Variants in PADI2 observed in about 807,000 individuals in gnomAD.
PADI2 encodes protein-arginine deiminase type-2.
In PADI2, 70 loss-of-function variants were observed where a neutral mutation model predicts 81.1. The ratio of observed to expected loss-of-function variants is 0.86; its 90% CI spans 0.71 to 1.05. The LOEUF (loss-of-function observed/expected upper bound fraction) is 1.05, where lower values mean the gene tolerates loss of function less well. Ranked by LOEUF, PADI2 falls within the 50% of genes least tolerant of loss-of-function variation. PADI2 has a pLI of 0.00. For synonymous variants in PADI2, 338 were observed against 358.0 expected, an observed-to-expected ratio of 0.94 and a Z score of 0.63; for missense variants, 853 against 889.9, an observed-to-expected ratio of 0.96 and a Z score of 0.53.
At chr1:17,107,108 G>A (rs1429493103) in intron 1 of PADI2, among the ~76,000 whole-genome samples, 6 of 152,218 alleles carry the variant, frequency 3.9e-5, no homozygotes, top group Non-Finnish European at 7.3e-5. Context: ...CACTGGTCTG[G>A]AGGCCCAAGA....
At chr1:17,083,488 C>G in intron 9 of PADI2, 2 of 489,430 alleles carry the variant, frequency 4.1e-6, no homozygotes, top group Non-Finnish European at 7.3e-6. Context: ...TCCGGGAAGG[C>G]CGTTACTCAG....
Position 17,069,021 on chromosome 1 carries a change from C to T in PADI2, c.*23G>A, listed in dbSNP as rs778184925. 30 of 1,566,516 alleles carry T rather than the reference C, an allele frequency of 1.9e-5. No homozygotes were observed. The highest frequency in any genetic ancestry group is 2.5e-5 in the Non-Finnish European group (28 of 1,136,666). ...GGTCTGGAGAACTAAGCGAAGGAGG[C>T]AAACGCCAGGGCCCCTGGCAGGTCA... On this transcript the variant is annotated 3_prime_UTR_variant, in exon 16 of 16. Transcript: ENST00000375486.
intron 14 of PADI2, among the ~76,000 whole-genome samples, chr1:17,070,497 C>T (rs1327423636): frequency 6.6e-6 from 1 of 152,252 alleles, no homozygotes; most frequent in East Asian, 1.9e-4. Context: ...GCTTCCCACA[C>T]AGCACCTCAG....
intron 5 of PADI2, 39 bp downstream of exon 5, chr1:17,093,528 C>T: frequency 1.5e-6 from 2 of 1,321,666 alleles, no homozygotes; most frequent in Admixed American, 1.7e-5. Flanking sequence ...TCTTTTCACT[C>T]CTCTCATCCT....
intron 6 of PADI2, among the ~76,000 whole-genome samples, chr1:17,087,126 C>G (rs1001300245): frequency 6.6e-6 from 1 of 152,134 alleles, no homozygotes; most frequent in Non-Finnish European, 1.5e-5. Flanking sequence ...AGATTCAAGT[C>G]GAATTCTGAA....
chr1:17,109,853 A>T (rs1038592579), intron 1 of PADI2, among the ~76,000 whole-genome samples: 22 of 152,268 alleles, frequency 1.4e-4, no homozygotes, highest in African/African-American at 5.1e-4. Context: ...TCTATTTAGG[A>T]AAAAATGTTT....
rs1387950067 is a variant in PADI2 at position 17,070,243 on chromosome 1, T to C, written c.1636-27A>G. The C allele has an allele frequency of 2.5e-6, 4 of 1,612,188 alleles. No individual in the cohort carries two copies. The African/African-American group carries it at 4.0e-5, about 16-fold the overall frequency. On this transcript the variant is annotated intron_variant, in intron 14 of 15. Coordinates refer to ENST00000375486, the MANE Select transcript of PADI2 (RefSeq NM_007365.3). ...TGGGTAGGAGAAAGGATGGAGGGCA[T>C]GCAGGTGAGGGGGACACACACCGGC...
intron 2 of PADI2, among the ~76,000 whole-genome samples, 193 bp downstream of exon 2, chr1:17,104,685 G>A (rs1020105020): frequency 1.3e-5 from 2 of 151,936 alleles, no homozygotes; most frequent in African/African-American, 2.4e-5. Context: ...CACCCGCCTC[G>A]GCCTCCCAAA....
chr1:17,118,534 G>A (rs946916684), intron 1 of PADI2, among the ~76,000 whole-genome samples: 2 of 152,094 alleles, frequency 1.3e-5, no homozygotes, highest in Non-Finnish European at 2.9e-5. Context: ...CGGACATCCC[G>A]CACTCTACCA....
intron 3 of PADI2, among the ~76,000 whole-genome samples, chr1:17,098,978 C>T (rs2235912): frequency 0.047 from 7,219 of 152,134 alleles, 541 homozygotes; most frequent in African/African-American, 0.16. Context: ...AGGCTCCAGA[C>T]GACATTTCCC....
chr1:17,116,085 A>G (rs1931750093), intron 1 of PADI2, among the ~76,000 whole-genome samples: 2 of 152,230 alleles, frequency 1.3e-5, no homozygotes, highest in African/African-American at 4.8e-5. Context: ...TCTATTGAAT[A>G]CAAGATCCTT....
At chr1:17,117,101 C>G (rs900330689) in intron 1 of PADI2, among the ~76,000 whole-genome samples, 6 of 152,120 alleles carry the variant, frequency 3.9e-5, no homozygotes, top group Non-Finnish European at 8.8e-5. Context: ...AAATATCGAG[C>G]CCAAAATGCA....
intron 9 of PADI2, chr1:17,082,863 G>C: frequency 2.2e-6 from 1 of 461,408 alleles, no homozygotes; most frequent in Non-Finnish European, 3.8e-6. Context: ...GTTTCTTACC[G>C]ATATCAGCCC....
chr1:17,075,110 G>A, intron 12 of PADI2, 161 bp from the exon 13 acceptor site: 1 of 548,130 alleles, frequency 1.8e-6, no homozygotes, highest in South Asian at 2.2e-5. Context: ...CTGCTTCAGA[G>A]GAATATTTCT....
intron 13 of PADI2, among the ~76,000 whole-genome samples, 200 bp from the exon 14 acceptor site, chr1:17,071,691 T>A (rs1175664891): frequency 6.6e-6 from 1 of 152,128 alleles, no homozygotes. Context: ...CACACACTCT[T>A]TTCTCCAGAG....
intron 1 of PADI2, among the ~76,000 whole-genome samples, chr1:17,112,154 G>A (rs771452595): frequency 4.6e-5 from 7 of 152,086 alleles, no homozygotes; most frequent in Non-Finnish European, 1.5e-5. Context: ...AGCTGCCCAC[G>A]TGAGCGATTA....
chr1:17,073,635 A>G (rs2078279723), intron 13 of PADI2, among the ~76,000 whole-genome samples: 1 of 152,148 alleles, frequency 6.6e-6, no homozygotes, highest in Admixed American at 6.6e-5. Flanking sequence ...GAGGAGGGAA[A>G]GAGTTGAATG....
intron 3 of PADI2, among the ~76,000 whole-genome samples, chr1:17,099,277 T>C (rs758379644): frequency 1.7e-4 from 26 of 152,156 alleles, no homozygotes; most frequent in Non-Finnish European, 3.4e-4. Flanking sequence ...TCCCAGCCTC[T>C]GGGGAGAAGG....
intron 4 of PADI2, among the ~76,000 whole-genome samples, chr1:17,094,841 C>T (rs1930851089): frequency 6.6e-6 from 1 of 152,214 alleles, no homozygotes; most frequent in East Asian, 1.9e-4. Flanking sequence ...TGCTGGGTTT[C>T]AGAGGCCTCT....
Sources: allele counts gnomAD v4.1 joint callset (sites outside exome capture counted in the v4.1 genomes callset), GRCh38; gene constraint gnomAD v4.1.1; transcripts MANE v1.5; gene names NCBI Gene and HGNC (gene_info 2026-07-23, HGNC 2026-07-21).